CDH20: variants seen among roughly 807,000 people sequenced by gnomAD.
The protein encoded by CDH20 is cadherin-20.
In CDH20, 29 loss-of-function variants were observed where a neutral mutation model predicts 74.2. The ratio of observed to expected loss-of-function variants is 0.39; its 90% CI spans 0.29 to 0.53. The LOEUF is 0.53. Ranked by LOEUF, CDH20 falls within the 20% of genes least tolerant of loss-of-function variation. CDH20 has a pLI of 0.69. For synonymous variants in CDH20, 469 were observed against 405.4 expected (o/e 1.16, Z -1.88); for missense variants, 988 against 1,048.3 (o/e 0.94, Z 0.79).
At chr18:61,347,925 C>T (rs1002981681) in intron 1 of CDH20, among the ~76,000 whole-genome samples, 2 of 151,892 alleles carry the variant, frequency 1.3e-5, no homozygotes, top group Admixed American at 6.6e-5. Context: ...ATCAACTGAC[C>T]CCTCCCACAC....
At chr18:61,551,497 T>C (rs1410443704) in intron 11 of CDH20, among the ~76,000 whole-genome samples, 2 of 152,234 alleles carry the variant, frequency 1.3e-5, no homozygotes, top group Non-Finnish European at 2.9e-5. Flanking sequence ...GTCCGTGCAA[T>C]GTGCTTCTCA....
intron 1 of CDH20, among the ~76,000 whole-genome samples, chr18:61,466,433 G>T (rs1393387634): frequency 6.6e-6 from 1 of 152,106 alleles, no homozygotes; most frequent in African/African-American, 2.4e-5. Flanking sequence ...TTCATGACAT[G>T]ATGTTCTAGT....
intron 10 of CDH20, 54 bp from the exon 11 acceptor site, chr18:61,549,924 C>A: frequency 6.3e-7 from 1 of 1,578,036 alleles, no homozygotes; most frequent in South Asian, 1.2e-5. Flanking sequence ...TTCCTCAATC[C>A]AAGAAATTAA....
At chr18:61,376,505 A>G (rs1466554716) in intron 1 of CDH20, among the ~76,000 whole-genome samples, 2 of 152,146 alleles carry the variant, frequency 1.3e-5, no homozygotes, top group Non-Finnish European at 2.9e-5. Context: ...TTCCAATTTG[A>G]TATTTCCTTC....
intron 7 of CDH20, 21 bp downstream of exon 7, chr18:61,528,241 T>A: frequency 6.2e-7 from 1 of 1,608,188 alleles, no homozygotes; most frequent in Non-Finnish European, 8.5e-7. Context: ...AGATTTCACC[T>A]TTTCCTTATA....
At chr18:61,386,365 C>T (rs1416415400) in intron 1 of CDH20, among the ~76,000 whole-genome samples, 2 of 152,160 alleles carry the variant, frequency 1.3e-5, no homozygotes, top group Admixed American at 1.3e-4. Flanking sequence ...ACACTCTCAC[C>T]CTTCCTTTCT....
chr18:61,409,881 C>T (rs1417866932), intron 1 of CDH20, among the ~76,000 whole-genome samples: 1 of 152,104 alleles, frequency 6.6e-6, no homozygotes, highest in Non-Finnish European at 1.5e-5. Context: ...AACCTGTTGC[C>T]TATGACAGTG....
chr18:61,513,696 T>C (rs1423011042), intron 6 of CDH20, among the ~76,000 whole-genome samples: 2 of 152,218 alleles, frequency 1.3e-5, no homozygotes, highest in East Asian at 1.9e-4. Context: ...GCAGGCCTGG[T>C]GGTGACCAAA....
At chr18:61,530,427 C>CA (rs1912599075) in intron 7 of CDH20, among the ~76,000 whole-genome samples, 1 of 152,152 alleles carries the variant, frequency 6.6e-6, no homozygotes. Flanking sequence ...TTATATGCTG[C>CA]ATGGCTAATT....
chr18:61,339,553 T>G (rs1360882805), intron 1 of CDH20, among the ~76,000 whole-genome samples: 2 of 152,150 alleles, frequency 1.3e-5, no homozygotes, highest in Non-Finnish European at 2.9e-5. Flanking sequence ...GTTCATGTAT[T>G]AAGTGCTGAG....
intron 1 of CDH20, among the ~76,000 whole-genome samples, chr18:61,419,132 T>C (rs1912794229): frequency 6.6e-6 from 1 of 152,164 alleles, no homozygotes; most frequent in African/African-American, 2.4e-5. Context: ...GGTGCAATCA[T>C]AGCTCACTGT....
chr18:61,462,904 C>T (rs1400501073), intron 1 of CDH20, among the ~76,000 whole-genome samples: 5 of 152,140 alleles, frequency 3.3e-5, no homozygotes, highest in Non-Finnish European at 5.9e-5. Flanking sequence ...AAGTCATTTG[C>T]TCCACAAATA....
In CDH20 at chr18:61,432,401, C is replaced by G. The variant is rs140754603; in HGVS notation, c.-152-58001C>G. On this transcript the variant is annotated intron_variant, in intron 1 of 11. Transcript: ENST00000262717. ...ACTCCGTCCCCATCCACAACTGGTG[C>G]CCAGACCTTGGCAGTTAAACAGGGT... is the stretch of plus-strand genomic sequence containing the variant. Among the ~76,000 whole-genome samples, 715 of 152,204 alleles carry G rather than the reference C, an allele frequency of 4.7e-3. 4 individuals are homozygous for G. Among genetic ancestry groups the G allele is most frequent in the African/African-American group, 0.016 (670 of 41,526 alleles).
intron 1 of CDH20, among the ~76,000 whole-genome samples, chr18:61,367,770 G>C (rs1910907737): frequency 6.6e-6 from 1 of 152,084 alleles, no homozygotes; most frequent in African/African-American, 2.4e-5. Flanking sequence ...TTACAATTTT[G>C]GAGGTTAGAA....
chr18:61,440,774 C>G (rs1026316166), intron 1 of CDH20, among the ~76,000 whole-genome samples: 2 of 152,092 alleles, frequency 1.3e-5, no homozygotes, highest in African/African-American at 4.8e-5. Flanking sequence ...TGGTGTGAGT[C>G]TGAGATGGGG....
chr18:61,344,927 C>G (rs1165126524), intron 1 of CDH20, among the ~76,000 whole-genome samples: 2 of 152,050 alleles, frequency 1.3e-5, no homozygotes, highest in African/African-American at 2.4e-5. Context: ...TATCTTCTGT[C>G]TTATGATTAT....
intron 9 of CDH20, among the ~76,000 whole-genome samples, chr18:61,544,430 C>T (rs142978298): frequency 1.3e-5 from 2 of 152,344 alleles, no homozygotes; most frequent in East Asian, 3.9e-4. Context: ...GCCCAGTGAA[C>T]TGGAAAAATC....
At chr18:61,515,199 G>A (rs532417547) in intron 6 of CDH20, among the ~76,000 whole-genome samples, 12 of 152,122 alleles carry the variant, frequency 7.9e-5, no homozygotes, top group African/African-American at 1.7e-4. Flanking sequence ...ATATAATCTC[G>A]TGGTGCGCCA....
intron 11 of CDH20, among the ~76,000 whole-genome samples, chr18:61,552,237 A>C (rs1320853738): frequency 6.6e-6 from 1 of 151,834 alleles, no homozygotes; most frequent in Non-Finnish European, 1.5e-5. Flanking sequence ...AGCTCTACGC[A>C]CCGTGCCTAT....
Sources: gnomAD v4.1 joint callset for allele counts (sites outside exome capture counted in the v4.1 genomes callset) on GRCh38, gnomAD v4.1.1 for gene constraint, MANE v1.5 for transcripts, NCBI Gene and HGNC (gene_info 2026-07-23, HGNC 2026-07-21) for gene names.